Variants in RNF166 observed in about 807,000 individuals in gnomAD.
RNF166 encodes ring finger protein 166, also known as E3 ubiquitin-protein ligase RNF166.
In RNF166, 19 loss-of-function variants were observed where a neutral mutation model predicts 29.4. The ratio of observed to expected loss-of-function variants is 0.65; its 90% CI spans 0.45 to 0.95. RNF166 has a LOEUF of 0.95. Ranked by LOEUF, RNF166 falls within the 40% of genes least tolerant of loss-of-function variation. RNF166 has a pLI of 0.00. For missense variants in RNF166, 347 were observed against 322.1 expected (o/e 1.08, Z -0.59); for synonymous variants, 171 against 134.5 (o/e 1.27, Z -1.88).
intron 1 of RNF166, chr16:88,703,297 C>T (rs1347787415): frequency 3.0e-6 from 3 of 984,058 alleles, no homozygotes; most frequent in African/African-American, 1.7e-5. Flanking sequence ...GGATGGTGCA[C>T]CTCCTGAGTG....
intron 1 of RNF166, among the ~76,000 whole-genome samples, 154 bp downstream of exon 1, chr16:88,706,017 C>T (rs1433797374): frequency 6.6e-6 from 1 of 151,772 alleles, no homozygotes; most frequent in Non-Finnish European, 1.5e-5. Flanking sequence ...CGGCGCGGCA[C>T]AGGGAAACCC....
intron 1 of RNF166, 55 bp downstream of exon 1, chr16:88,706,116 C>T: frequency 1.8e-6 from 2 of 1,086,780 alleles, no homozygotes; most frequent in South Asian, 4.3e-5. Context: ...CCTCGCGACC[C>T]CTCCCGCGGC....
intron 1 of RNF166, 122 bp downstream of exon 1, chr16:88,706,049 C>T (rs1597417579): frequency 1.8e-6 from 1 of 569,568 alleles, no homozygotes; most frequent in Admixed American, 6.2e-5. Context: ...GCCCCGAGGC[C>T]CCGGCGCCCC....
At chr16:88,698,427 G>T in intron 5 of RNF166, 75 bp downstream of exon 5, 1 of 1,184,732 alleles carries the variant, frequency 8.4e-7, no homozygotes, top group Non-Finnish European at 1.2e-6. Flanking sequence ...GGACCCTGAG[G>T]CTGGCGAGGG....
chr16:88,704,219 G>C, intron 1 of RNF166: 1 of 985,466 alleles, frequency 1.0e-6, no homozygotes, highest in Non-Finnish European at 1.2e-6. Context: ...ACTTTCTGTG[G>C]TCATTTGCAT....
At chr16:88,705,160 T>G (rs1910652273) in intron 1 of RNF166, among the ~76,000 whole-genome samples, 1 of 152,198 alleles carries the variant, frequency 6.6e-6, no homozygotes, top group Non-Finnish European at 1.5e-5. Flanking sequence ...CAGCTCTGCA[T>G]CCTGACACTG....
intron 1 of RNF166, among the ~76,000 whole-genome samples, chr16:88,702,421 C>T (rs1398062011): frequency 6.6e-6 from 1 of 152,172 alleles, no homozygotes; most frequent in Non-Finnish European, 1.5e-5. Context: ...GGTACAGGAG[C>T]CCCACTGGAC....
chr16:88,697,536 C>A lies in RNF166; in HGVS notation c.*32G>T, dbSNP rs375456352. On this transcript the variant is annotated 3_prime_UTR_variant, in exon 6 of 6. Transcript: ENST00000312838. ...GACACAGGAGCGGGGACATCCCTGA[C>A]CCCAGACGCAGGCGGGTGGCTGCGC... 123 of 1,523,176 alleles carry A rather than the reference C, an allele frequency of 8.1e-5. No individual in the cohort carries two copies. Among genetic ancestry groups the A allele is most frequent in the Non-Finnish European group, 1.0e-4 (114 of 1,124,982 alleles). The allele number at this position is 1,523,176 out of a possible 1,614,324, so 94.4% of individuals were successfully genotyped here.
chr16:88,703,111 C>T (rs1910427205), intron 1 of RNF166: 18 of 985,522 alleles, frequency 1.8e-5, no homozygotes, highest in Non-Finnish European at 2.0e-5. Context: ...GCACGTCCCA[C>T]CCGTGTCGTG....
chr16:88,702,992 A>G (rs4782318), intron 1 of RNF166: 451,434 of 985,446 alleles, frequency 0.46, 105,234 homozygotes, highest in East Asian at 0.65. Flanking sequence ...TAAACGGATG[A>G]AGAGACGGCG....
chr16:88,703,741 G>A, intron 1 of RNF166: 4 of 985,508 alleles, frequency 4.1e-6, no homozygotes, highest in Non-Finnish European at 4.8e-6. Context: ...GCCTTACAAA[G>A]GGAGGGGCGA....
Position 88,696,730 on chromosome 16 carries a change from C to G in RNF166, c.*838G>C, listed in dbSNP as rs1132574. ...GGACTCTGGGTGGAGGAGGCCCCTT[C>G]TCTGCCGGCCCCGCCTCTGCTGGGA... is the stretch of plus-strand genomic sequence containing the variant. On this transcript the variant is annotated 3_prime_UTR_variant, in exon 6 of 6. Transcript: ENST00000312838. The G allele has an allele frequency of 1.0e-5, 4 of 399,502 alleles. No homozygotes were observed. The highest frequency in any genetic ancestry group is 1.5e-4 in the East Asian group (2 of 13,364). 24.7% of individuals were successfully genotyped at this position (399,502 alleles called of 1,614,324 possible).
chr16:88,705,605 C>G (rs139240028), intron 1 of RNF166, among the ~76,000 whole-genome samples: 1 of 152,324 alleles, frequency 6.6e-6, no homozygotes, highest in African/African-American at 2.4e-5. Context: ...CTCTGTGGAC[C>G]AGCCTGCCTG....
intron 1 of RNF166, among the ~76,000 whole-genome samples, chr16:88,705,274 C>A (rs958030908): frequency 6.6e-6 from 1 of 152,234 alleles, no homozygotes; most frequent in South Asian, 2.1e-4. Flanking sequence ...GCAAAATGTT[C>A]TAGAGCCTCC....
Position 88,699,028 on chromosome 16 carries a change from G to C in RNF166, c.483C>G (p.Asp161Glu). 6.2e-7 allele frequency: 1 copy of C among 1,610,658 alleles called. No individual in the cohort carries two copies. The highest frequency in any genetic ancestry group is 2.2e-5 in the East Asian group (1 of 44,846). The change falls in exon 4 of 6, where the codon GAC (aspartate) becomes GAG (glutamate). Residue 161 changes from aspartate (D) to glutamate (E), a missense_variant. By Grantham distance (45) the Asp-to-Glu change is conservative. Transcript: ENST00000312838. ...CACAGTGCTTCACCAGCTCCTGCTG[G>C]TCCAGGTTGCGGGCACCACAGTACG... ...ACPYCGARNL[D>E]QQELVKHCVE... is the part of the protein sequence containing the mutation.
Position 88,701,358 on chromosome 16 carries a change from G to GCA in RNF166, c.214_215dup (p.Arg73AlafsTer34). ...CCTTCTTGGGGTCGAAGGGCAGGCG[G>GCA]CAGAGTGGGCACAGCGGGGATGGCA... On this transcript the variant is annotated frameshift_variant, in exon 2 of 6. Transcript: ENST00000312838. LOFTEE classifies it high-confidence loss of function. 1 of 1,613,056 alleles carries GCA rather than the reference G, an allele frequency of 6.2e-7. No individual in the cohort carries two copies. The highest frequency in any genetic ancestry group is 8.5e-7 in the Non-Finnish European group (1 of 1,179,772).
At position 88,697,619 on chromosome 16, in the gene RNF166, G is replaced by A. The variant is rs769971310; in HGVS notation, c.663C>T (p.Asp221=). Residue 221 remains aspartate, a synonymous_variant, in exon 6 of 6, where the codon GAC becomes GAT. Transcript: ENST00000312838. ...GAGCAGCCTGGAAGGCGGCCTCCTC[G>A]TCAATACTGTAGTCCTGGAGACAGG... The part of the protein sequence containing the change: ...SYDTFVDYSI[D]EEAAFQAALA... 27 of 1,551,990 alleles carry A rather than the reference G, an allele frequency of 1.7e-5. No homozygotes were observed. The highest frequency in any genetic ancestry group is 1.7e-4 in the Middle Eastern group (1 of 6,012).
Position 88,697,348 on chromosome 16 carries a change from A to T in RNF166, c.*220T>A, listed in dbSNP as rs1909729854. 2 of 458,154 alleles carry T rather than the reference A, an allele frequency of 4.4e-6. No individual in the cohort carries two copies. Among genetic ancestry groups the T allele is most frequent in the Admixed American group, 7.4e-5 (2 of 27,200 alleles). The allele number at this position is 458,154 out of a possible 1,614,324, so 28.4% of individuals were successfully genotyped here. A position where few individuals can be genotyped will look rare whatever the true frequency, so the allele number is the denominator to read the frequency against. The stretch of plus-strand genomic sequence containing the variant: ...CCTGCTCGGCCAGAAGCACCGAAGA[A>T]CCCAGCGACGCCGGTGGGACCAGGC... On this transcript the variant is annotated 3_prime_UTR_variant, in exon 6 of 6. Transcript: ENST00000312838.
intron 1 of RNF166, chr16:88,702,979 C>G: frequency 1.0e-6 from 1 of 985,552 alleles, no homozygotes; most frequent in Non-Finnish European, 1.2e-6. Context: ...AGGTGCCCGT[C>G]GGTAAACGGA....
Sources: allele counts gnomAD v4.1 joint callset (sites outside exome capture counted in the v4.1 genomes callset), GRCh38; gene constraint gnomAD v4.1.1; transcripts MANE v1.5; gene names NCBI Gene and HGNC (gene_info 2026-07-23, HGNC 2026-07-21).